NCR2: variants seen among roughly 807,000 people sequenced by gnomAD.
NCR2 encodes NK cell activating receptor (NKp44).
A neutral mutation model predicts 30.7 loss-of-function variants in NCR2; 35 were observed. The observed-to-expected ratio is 1.14, with a 90% CI of 0.87 to 1.51. The LOEUF (loss-of-function observed/expected upper bound fraction) is 1.51. Among genes scored for constraint, NCR2 ranks in the 40% most tolerant of loss-of-function variants. NCR2 has a pLI of 0.00. For missense variants in NCR2, 316 were observed against 328.9 expected, an observed-to-expected ratio of 0.96 and a Z score of 0.30; for synonymous variants, 146 against 134.8, an observed-to-expected ratio of 1.08 and a Z score of -0.58.
At position 41,335,748 on chromosome 6, in the gene NCR2, A is replaced by G. The variant is rs1769001763; in HGVS notation, c.-129A>G. The G allele has an allele frequency of 2.8e-6, 3 of 1,053,690 alleles. No homozygotes were observed. In the African/African-American group the frequency reaches 4.7e-5, roughly 16 times the overall value. 65.3% of individuals were successfully genotyped at this position (1,053,690 alleles called of 1,614,324 possible). A position where few individuals can be genotyped will look rare whatever the true frequency, so the allele number is the denominator to read the frequency against. ...TTGCAGTCTCCCATCTCCCCAACCCAGGCCTCAGCCTGTCTCATTTTTCTA... is the reference window on the plus strand; with the variant it reads ...TTGCAGTCTCCCATCTCCCCAACCCGGGCCTCAGCCTGTCTCATTTTTCTA... On this transcript the variant is annotated 5_prime_UTR_variant, in exon 1 of 5. Transcript: ENST00000373089.
At chr6:41,342,855 G>A (rs1769210268) in intron 4 of NCR2, 4 of 1,445,526 alleles carry the variant, frequency 2.8e-6, no homozygotes, top group Admixed American at 4.0e-5. Context: ...GCAGGCTTGG[G>A]GAAAGGGACA....
rs1014636070 is a variant in NCR2 at position 41,343,106 on chromosome 6, A to G, written c.644+957A>G. Reference sequence around the variant, plus strand: ...ACCTCTGCTGTTATCCGCAAAGAAAAGGCCAGGACTTGATCCAAGGCCTTT... The same window carrying G: ...ACCTCTGCTGTTATCCGCAAAGAAAGGGCCAGGACTTGATCCAAGGCCTTT... On this transcript the variant is annotated intron_variant, in intron 4 of 4. Coordinates refer to ENST00000373089, the MANE Select transcript of NCR2 (RefSeq NM_004828.4). 8.0e-6 allele frequency: 10 copies of G among 1,247,856 alleles called. No homozygotes were observed. In the African/African-American group the frequency reaches 1.5e-4, roughly 19 times the overall value. 77.3% of individuals were successfully genotyped at this position (1,247,856 alleles called of 1,614,324 possible).
At chr6:41,346,877 G>C (rs933781659) in intron 4 of NCR2, among the ~76,000 whole-genome samples, 1 of 151,680 alleles carries the variant, frequency 6.6e-6, no homozygotes. Context: ...AAGAGAAAAA[G>C]AGGAGGGAAG....
intron 2 of NCR2, among the ~76,000 whole-genome samples, chr6:41,336,694 C>A (rs1769040047): frequency 6.6e-6 from 1 of 152,108 alleles, no homozygotes; most frequent in Non-Finnish European, 1.5e-5. Context: ...GCCTATATGA[C>A]CCTGCTACAG....
Position 41,335,626 on chromosome 6 carries a change from C to G in NCR2, c.-251C>G. 2 of 541,334 alleles carry G rather than the reference C, an allele frequency of 3.7e-6. No homozygotes were observed. Among genetic ancestry groups the G allele is most frequent in the South Asian group, 2.0e-5 (1 of 49,896 alleles). 33.5% of individuals were successfully genotyped at this position (541,334 alleles called of 1,614,324 possible). A position where few individuals can be genotyped will look rare whatever the true frequency, so the allele number is the denominator to read the frequency against. On this transcript the variant is annotated 5_prime_UTR_variant, in exon 1 of 5. Transcript: ENST00000373089. ...GGAGAGCAGGCATCTTCTACAGAGG[C>G]CTGGGAAGCTGTGTGCCAGACAGCG...
chr6:41,347,176 C>T (rs570063271), intron 4 of NCR2, among the ~76,000 whole-genome samples: 70 of 152,292 alleles, frequency 4.6e-4, no homozygotes, highest in African/African-American at 1.7e-3. Flanking sequence ...GATCGTGCCA[C>T]TGCACTCCAG....
chr6:41,335,798 A>T lies in NCR2; in HGVS notation c.-79A>T. On this transcript the variant is annotated 5_prime_UTR_variant, in exon 1 of 5. Transcript: ENST00000373089. The stretch of plus-strand genomic sequence containing the variant: ...ATCAGACGTGCTGGAAGAGCAGCAG[A>T]ATCAGGCCCAGCTCCCAATTCCCTC... 9.7e-6 allele frequency: 14 copies of T among 1,448,830 alleles called. No homozygotes were observed. Among genetic ancestry groups the T allele is most frequent in the Non-Finnish European group, 1.3e-5 (14 of 1,053,148 alleles). The allele number at this position is 1,448,830 out of a possible 1,614,324, so 89.7% of individuals were successfully genotyped here.
chr6:41,342,392 C>A (rs1308519898), intron 4 of NCR2, among the ~76,000 whole-genome samples: 1 of 151,998 alleles, frequency 6.6e-6, no homozygotes, highest in Admixed American at 6.6e-5. Context: ...TTTCTCCTCT[C>A]TCTCTCCCTC....
intron 2 of NCR2, 77 bp from the exon 3 acceptor site, chr6:41,341,717 C>T: frequency 6.6e-7 from 1 of 1,517,210 alleles, no homozygotes; most frequent in Non-Finnish European, 8.9e-7. Context: ...GGTCCAACTC[C>T]CCCATCCAGC....
intron 2 of NCR2, among the ~76,000 whole-genome samples, chr6:41,338,353 C>G (rs1371829146): frequency 6.6e-6 from 1 of 152,210 alleles, no homozygotes; most frequent in Non-Finnish European, 1.5e-5. Flanking sequence ...ATAAAATTCA[C>G]AATTCTGTCC....
At position 41,336,286 on chromosome 6, in the gene NCR2, G is replaced by A; in HGVS notation, c.252G>A (p.Trp84Ter). ...TMAWTSRFTI[W>*]DDPDAGFFTV... is the part of the protein sequence containing the mutation. Reference sequence around the variant, plus strand: ...CTTGGACCTCTCGATTCACAATCTGGGACGACCCTGATGCTGGCTTCTTCA... The same window carrying A: ...CTTGGACCTCTCGATTCACAATCTGAGACGACCCTGATGCTGGCTTCTTCA... Residue 84 changes from tryptophan to a stop codon, truncating the protein, a stop_gained, in exon 2 of 5, where the codon TGG becomes TGA. Coordinates refer to ENST00000373089, the MANE Select transcript of NCR2 (RefSeq NM_004828.4). LOFTEE classifies it high-confidence loss of function. The A allele has an allele frequency of 6.2e-7, 1 of 1,613,962 alleles. No homozygotes were observed.
intron 4 of NCR2, among the ~76,000 whole-genome samples, chr6:41,345,166 C>G (rs1443963477): frequency 2.0e-5 from 3 of 152,190 alleles, no homozygotes; most frequent in African/African-American, 4.8e-5. Context: ...CTAACCTACT[C>G]TCAGTCTCAC....
intron 4 of NCR2, among the ~76,000 whole-genome samples, chr6:41,344,747 C>T (rs995347878): frequency 1.3e-5 from 2 of 152,294 alleles, no homozygotes; most frequent in Admixed American, 1.3e-4. Context: ...TTATTTTCTC[C>T]TTTCATTGAC....
intron 2 of NCR2, among the ~76,000 whole-genome samples, chr6:41,338,856 G>A (rs1187540741): frequency 1.3e-5 from 2 of 152,144 alleles, no homozygotes; most frequent in South Asian, 2.1e-4. Context: ...TAAAGCAAAC[G>A]TTGTTCAGTA....
At chr6:41,342,772 A>G in intron 4 of NCR2, 1 of 667,000 alleles carries the variant, frequency 1.5e-6, no homozygotes. Context: ...CATGGGAAAA[A>G]ACCATAGGTG....
chr6:41,339,881 A>C (rs1430408842), intron 2 of NCR2, among the ~76,000 whole-genome samples: 3 of 152,220 alleles, frequency 2.0e-5, no homozygotes, highest in Non-Finnish European at 4.4e-5. Flanking sequence ...AAATTTATTT[A>C]GAATCAGTTC....
intron 2 of NCR2, among the ~76,000 whole-genome samples, chr6:41,339,746 T>C (rs1254429761): frequency 6.6e-6 from 1 of 152,204 alleles, no homozygotes; most frequent in Non-Finnish European, 1.5e-5. Context: ...GAAGGCAATG[T>C]CCTCACAGGT....
At chr6:41,340,470 G>A (rs1230649377) in intron 2 of NCR2, among the ~76,000 whole-genome samples, 1 of 152,128 alleles carries the variant, frequency 6.6e-6, no homozygotes, top group Non-Finnish European at 1.5e-5. Flanking sequence ...CCGCTAACAA[G>A]TAATTTTAAA....
intron 2 of NCR2, among the ~76,000 whole-genome samples, chr6:41,340,425 C>G (rs9462707): frequency 0.13 from 19,452 of 152,030 alleles, 1,803 homozygotes; most frequent in East Asian, 0.31. Context: ...GCCTCCAAAA[C>G]TGCCGGGATT....
Sources: allele counts gnomAD v4.1 joint callset (sites outside exome capture counted in the v4.1 genomes callset), GRCh38; gene constraint gnomAD v4.1.1; transcripts MANE v1.5; gene names NCBI Gene and HGNC (gene_info 2026-07-23, HGNC 2026-07-21).